PAAF1: variants seen among roughly 807,000 people sequenced by gnomAD.
The protein encoded by PAAF1 is proteasomal ATPase associated factor 1.
In PAAF1, 46 loss-of-function variants were observed where a neutral mutation model predicts 52.8. The observed-to-expected ratio is 0.87, with a 90% CI of 0.69 to 1.11. The LOEUF (loss-of-function observed/expected upper bound fraction) is 1.11. Among genes scored for constraint, PAAF1 ranks in the 50% most tolerant of loss-of-function variants. The pLI is 0.00. For missense variants in PAAF1, 424 were observed against 477.4 expected, an observed-to-expected ratio of 0.89 and a Z score of 1.04; for synonymous variants, 178 against 172.8, an observed-to-expected ratio of 1.03 and a Z score of -0.24.
rs1950399698 is a variant in PAAF1 at position 73,927,647 on chromosome 11, A to T, written c.*285A>T. On this transcript the variant is annotated 3_prime_UTR_variant, in exon 12 of 12. Transcript: ENST00000310571. ...ATATAGATGCTTTTAGTTTGTTCTT[A>T]AACCAGTTTTGTTAAATGTTTACAA... The T allele has an allele frequency of 2.2e-6, 1 of 453,054 alleles. No individual in the cohort carries two copies. The allele number at this position is 453,054 out of a possible 1,614,324, so 28.1% of individuals were successfully genotyped here.
intron 6 of PAAF1, among the ~76,000 whole-genome samples, chr11:73,905,435 G>T (rs547974007): frequency 3.3e-5 from 5 of 152,182 alleles, no homozygotes; most frequent in African/African-American, 9.6e-5. Flanking sequence ...TATTGGCAAG[G>T]CTGGTCTCAA....
At chr11:73,885,842 C>CA (rs371468192) in intron 2 of PAAF1, among the ~76,000 whole-genome samples, 10,970 of 82,204 alleles carry the variant, frequency 0.13, 733 homozygotes, top group African/African-American at 0.24. Flanking sequence ...AACTCCATCT[C>CA]AAAAAAAAAA....
At chr11:73,898,212 AAGGGGG>A (rs1949480176) in intron 4 of PAAF1, among the ~76,000 whole-genome samples, 1 of 77,574 alleles carries the variant, frequency 1.3e-5, no homozygotes. Context: ...GGGGGAGGGG[AAGGGGG>A]AGGGAGAGGG....
At chr11:73,917,839 C>G (rs553118123) in intron 9 of PAAF1, among the ~76,000 whole-genome samples, 1 of 151,080 alleles carries the variant, frequency 6.6e-6, no homozygotes, top group South Asian at 2.1e-4. Flanking sequence ...CCACTGGACT[C>G]CAGCCTGGGC....
chr11:73,885,510 C>T (rs981161851), intron 2 of PAAF1, among the ~76,000 whole-genome samples: 1 of 151,878 alleles, frequency 6.6e-6, no homozygotes, highest in Non-Finnish European at 1.5e-5. Context: ...TCTTCCTAGC[C>T]AGCTCCTATC....
intron 2 of PAAF1, among the ~76,000 whole-genome samples, chr11:73,881,722 T>A (rs1948913483): frequency 6.6e-6 from 1 of 152,198 alleles, no homozygotes. Context: ...TTTGTTTGTT[T>A]TTGAGATGGA....
chr11:73,930,074 A>T lies in PAAF1; in HGVS notation c.*2712A>T, dbSNP rs1194828179. ...TCCGTCTCAAAAAAAAAAAAAAAGAAAACAGGATGAAATGGGCCGGGCGCA... is the reference window on the plus strand; with the variant it reads ...TCCGTCTCAAAAAAAAAAAAAAAGATAACAGGATGAAATGGGCCGGGCGCA... On this transcript the variant is annotated 3_prime_UTR_variant, in exon 12 of 12. Coordinates refer to ENST00000310571, the MANE Select transcript of PAAF1 (RefSeq NM_025155.3). 2.0e-5 allele frequency: 3 copies of T among 152,618 alleles called. No individual in the cohort carries two copies. Among genetic ancestry groups the T allele is most frequent in the Non-Finnish European group, 4.4e-5 (3 of 68,928 alleles). The allele number at this position is 152,618 out of a possible 1,614,324, so 9.5% of individuals were successfully genotyped here. A position where few individuals can be genotyped will look rare whatever the true frequency, so the allele number is the denominator to read the frequency against.
chr11:73,924,265 G>A lies in PAAF1; in HGVS notation c.1019-350G>A, dbSNP rs575251126. 5.3e-5 allele frequency among the ~76,000 whole-genome samples: 8 copies of A among 152,080 alleles called. No homozygotes were observed. The South Asian group carries it at 1.7e-3, about 32-fold the overall frequency. The stretch of plus-strand genomic sequence containing the variant: ...AGGTCAGGAGTTTGAGACCAGCCTG[G>A]CCAACATGGTGAAACCCCGTCTCTA... On this transcript the variant is annotated intron_variant, in intron 10 of 11. Coordinates refer to ENST00000310571, the MANE Select transcript of PAAF1 (RefSeq NM_025155.3).
In PAAF1 at chr11:73,878,779, G is replaced by A; in HGVS notation, c.48G>A (p.Arg16=). 6.2e-7 allele frequency: 1 copy of A among 1,613,244 alleles called. No homozygotes were observed. The stretch of plus-strand genomic sequence containing the variant: ...ATTAGGCTTTTGTCTTTCTTCGTAG[G>A]AAGGATGAAGGGGAGGCCTGGCTGA... ...RIQSDWAQAL[R]KDEGEAWLSC... Residue 16 remains arginine (R), a splice_region_variant and synonymous_variant, in exon 2 of 12, where the codon AGG becomes AGA. Transcript: ENST00000310571.
intron 6 of PAAF1, among the ~76,000 whole-genome samples, chr11:73,907,009 T>G (rs1949776743): frequency 6.6e-6 from 1 of 152,160 alleles, no homozygotes. Flanking sequence ...TACAACTCTG[T>G]GTTTTTACAC....
At chr11:73,922,235 G>A in intron 10 of PAAF1, 3 of 658,024 alleles carry the variant, frequency 4.6e-6, no homozygotes, top group South Asian at 2.7e-5. Flanking sequence ...CAGATTTTTT[G>A]TACTTTTCTA....
chr11:73,904,035 G>C (rs181325929), intron 6 of PAAF1, among the ~76,000 whole-genome samples: 39 of 151,294 alleles, frequency 2.6e-4, no homozygotes, highest in Middle Eastern at 3.4e-3. Context: ...ATTGAGCCAA[G>C]ATTGCACTAC....
intron 8 of PAAF1, 89 bp from the exon 9 acceptor site, chr11:73,916,456 A>G (rs1950065930): frequency 1.3e-6 from 1 of 766,672 alleles, no homozygotes; most frequent in Non-Finnish European, 2.2e-6. Flanking sequence ...ATCTCAAAAT[A>G]TAGTGAAATT....
intron 10 of PAAF1, among the ~76,000 whole-genome samples, 166 bp downstream of exon 10, chr11:73,919,198 TC>T (rs1950147376): frequency 6.6e-6 from 1 of 152,192 alleles, no homozygotes; most frequent in South Asian, 2.1e-4. Flanking sequence ...ATTGTCTGTG[TC>T]CCCCTCCAGT....
chr11:73,908,371 A>ATGTG (rs1565143853), intron 6 of PAAF1, among the ~76,000 whole-genome samples: 6 of 141,970 alleles, frequency 4.2e-5, no homozygotes, highest in South Asian at 2.2e-4. Flanking sequence ...GTATATATAT[A>ATGTG]TGTATATATA....
rs560669860 is a variant in PAAF1 at position 73,918,349 on chromosome 11, T to C, written c.936-601T>C. On this transcript the variant is annotated intron_variant, in intron 9 of 11. Coordinates refer to ENST00000310571, the MANE Select transcript of PAAF1 (RefSeq NM_025155.3). ...CCTTTTCTTCCATCATTTCAGTTAC[T>C]TAATTTTTTTTTTTTTTTTTTTTTT... Among the ~76,000 whole-genome samples the C allele has an allele frequency of 2.9e-5, 4 of 140,134 alleles. No homozygotes were observed. The South Asian group carries it at 9.1e-4, about 32-fold the overall frequency. The allele number at this position is 140,134 out of a possible 152,430, so 91.9% of individuals were successfully genotyped here. A position where few individuals can be genotyped will look rare whatever the true frequency, so the allele number is the denominator to read the frequency against.
intron 3 of PAAF1, among the ~76,000 whole-genome samples, chr11:73,887,964 G>A (rs1272277868): frequency 1.3e-5 from 2 of 152,090 alleles, no homozygotes; most frequent in Non-Finnish European, 2.9e-5. Context: ...TGGCCAGGCT[G>A]GTCTCGAACT....
intron 5 of PAAF1, 34 bp downstream of exon 5, chr11:73,899,278 C>T: frequency 1.3e-6 from 2 of 1,550,450 alleles, no homozygotes; most frequent in Non-Finnish European, 1.8e-6. Context: ...AGGTCTTAAA[C>T]ACAAAGGGTG....
intron 6 of PAAF1, among the ~76,000 whole-genome samples, chr11:73,908,802 TA>T (rs1347751418): frequency 6.6e-6 from 1 of 152,072 alleles, no homozygotes. Context: ...TTTATTTATT[TA>T]TTTTTTGAGA....
Sources: gnomAD v4.1 joint callset for allele counts (sites outside exome capture counted in the v4.1 genomes callset) on GRCh38, gnomAD v4.1.1 for gene constraint, MANE v1.5 for transcripts, NCBI Gene and HGNC (gene_info 2026-07-23, HGNC 2026-07-21) for gene names.